Variants in HBP1 observed in about 807,000 individuals in gnomAD.
HBP1 encodes HMG-box transcription factor 1.
A neutral mutation model predicts 62.6 loss-of-function variants in HBP1; 20 were observed. The ratio of observed to expected loss-of-function variants is 0.32; its 90% CI spans 0.22 to 0.46. The LOEUF (loss-of-function observed/expected upper bound fraction) is 0.46. Among genes scored for constraint, HBP1 ranks in the 20% least tolerant of loss-of-function variants. HBP1 has a pLI of 1.00. For synonymous variants in HBP1, 232 were observed against 206.2 expected (o/e 1.12, Z -1.07); for missense variants, 480 against 611.8 (o/e 0.78, Z 2.27).
chr7:107,174,676 T>C, intron 1 of HBP1: 1 of 984,616 alleles, frequency 1.0e-6, no homozygotes, highest in Non-Finnish European at 1.2e-6. Context: ...AGAACAGCAC[T>C]GTTCATACAC....
At chr7:107,179,169 G>T (rs984567066) in intron 1 of HBP1, among the ~76,000 whole-genome samples, 2 of 151,858 alleles carry the variant, frequency 1.3e-5, no homozygotes, top group Admixed American at 1.3e-4. Context: ...TATTCTTCCA[G>T]TTTTTTTTAA....
intron 9 of HBP1, among the ~76,000 whole-genome samples, chr7:107,199,081 T>TTATCA (rs2116010002): frequency 6.6e-6 from 1 of 152,150 alleles, no homozygotes; most frequent in African/African-American, 2.4e-5. Context: ...TAAAAATTGG[T>TTATCA]TATCATTTTA....
intron 7 of HBP1, 58 bp downstream of exon 7, chr7:107,189,506 A>G (rs1422967914): frequency 2.3e-6 from 3 of 1,325,420 alleles, no homozygotes; most frequent in Admixed American, 4.3e-5. Flanking sequence ...TTAAATCTGT[A>G]ATTATGTCTG....
chr7:107,171,232 A>G (rs1284135367), intron 1 of HBP1, among the ~76,000 whole-genome samples: 5 of 150,286 alleles, frequency 3.3e-5, no homozygotes, highest in African/African-American at 1.2e-4. Flanking sequence ...ACCACTCTCA[A>G]CTAATTTTTT....
chr7:107,171,073 A>ATATATATATATTT, intron 1 of HBP1, among the ~76,000 whole-genome samples: 4 of 87,194 alleles, frequency 4.6e-5, no homozygotes, highest in African/African-American at 2.7e-4. Flanking sequence ...ATATATATAT[A>ATATATATATATTT]TTTTTTTTTT....
chr7:107,182,354 T>G lies in HBP1; in HGVS notation c.170-19T>G. 7.2e-7 allele frequency: 1 copy of G among 1,389,218 alleles called. No individual in the cohort carries two copies. Among genetic ancestry groups the G allele is most frequent in the Non-Finnish European group, 1.0e-6 (1 of 975,848 alleles). The allele number at this position is 1,389,218 out of a possible 1,614,324, so 86.1% of individuals were successfully genotyped here. On this transcript the variant is annotated intron_variant, in intron 2 of 10. Transcript: ENST00000222574. ...ATTAGTAATTTCCTTTTTATGATTT[T>G]GAGTGTGCTTATTTGCAGATGACCT...
intron 9 of HBP1, chr7:107,196,703 G>A: frequency 5.8e-6 from 1 of 172,710 alleles, no homozygotes; most frequent in South Asian, 1.2e-4. Flanking sequence ...AGCCCAGGCT[G>A]CAGTACAGCG....
Position 107,195,902 on chromosome 7 carries a change from C to T in HBP1, c.1136C>T (p.Ala379Val). 1 of 1,613,420 alleles carries T rather than the reference C, an allele frequency of 6.2e-7. No individual in the cohort carries two copies. The highest frequency in any genetic ancestry group is 8.5e-7 in the Non-Finnish European group (1 of 1,179,420). The change falls in exon 9 of 11, where the codon GCA becomes GTA. Residue 379 changes from alanine (A) to valine (V), a missense_variant. Physicochemically the swap from Ala to Val is moderately conservative, Grantham distance 64 (BLOSUM62 0). Around this residue, in one of 4 missense-constraint regions of HBP1, gnomAD observed 58 missense variants for 128.5 expected, o/e 0.45. Coordinates refer to ENST00000222574, the MANE Select transcript of HBP1 (RefSeq NM_012257.4). ...VLSSMARQRR[A>V]SLSCGGPGGQ... ...AGTAGTATGGCTCGCCAGCGTCGTGCATCTTTGTCTTGTGGAGGACCTGGT... is the reference window on the plus strand; with the variant it reads ...AGTAGTATGGCTCGCCAGCGTCGTGTATCTTTGTCTTGTGGAGGACCTGGT...
At chr7:107,189,477 T>C in intron 7 of HBP1, 29 bp downstream of exon 7, 1 of 1,533,812 alleles carries the variant, frequency 6.5e-7, no homozygotes, top group Non-Finnish European at 8.9e-7. Context: ...TTGTAGTAAC[T>C]TTTTTTAAAC....
Position 107,179,862 on chromosome 7 carries a change from GTCGTTTTTATTTTAA to G in HBP1, c.-15-16_-15-2del. The stretch of plus-strand genomic sequence containing the variant: ...GCATGGCTTGACATCATTTCTTAAT[GTCGTTTTTATTTTAA>G]GTCAGAGCACCATAACATGGTGTGG... On this transcript the variant is annotated splice_acceptor_variant and splice_polypyrimidine_tract_variant and intron_variant, in intron 1 of 10. Transcript: ENST00000222574. LOFTEE classifies it low-confidence loss of function (5UTR_SPLICE). 3.9e-6 allele frequency: 6 copies of G among 1,536,436 alleles called. No homozygotes were observed. The highest frequency in any genetic ancestry group is 5.4e-6 in the Non-Finnish European group (6 of 1,120,208).
intron 10 of HBP1, 124 bp from the exon 11 acceptor site, chr7:107,201,290 C>T (rs1798276238): frequency 1.9e-6 from 1 of 534,864 alleles, no homozygotes; most frequent in African/African-American, 2.0e-5. Flanking sequence ...TTTAAAATCA[C>T]CTTTAAGAAA....
At chr7:107,180,981 A>G (rs1454349396) in intron 2 of HBP1, among the ~76,000 whole-genome samples, 1 of 152,286 alleles carries the variant, frequency 6.6e-6, no homozygotes, top group African/African-American at 2.4e-5. Flanking sequence ...AATTTCCTGA[A>G]CTTCAGAAAC....
intron 6 of HBP1, among the ~76,000 whole-genome samples, chr7:107,186,988 C>T (rs941429980): frequency 6.6e-6 from 1 of 152,222 alleles, no homozygotes; most frequent in Non-Finnish European, 1.5e-5. Flanking sequence ...CGCAGTGGCT[C>T]ATGCCTGTAA....
rs1796720153 is a variant in HBP1, at chr7:107,173,928, T to C, written c.-16+4743T>C. The stretch of plus-strand genomic sequence containing the variant: ...TAGGGTTAGCTCTACCAGGAGATAT[T>C]TGAAAGAGGAGCTTGTTTATCAAAA... On this transcript the variant is annotated intron_variant, in intron 1 of 10. Coordinates refer to ENST00000222574, the MANE Select transcript of HBP1 (RefSeq NM_012257.4). 2.0e-5 allele frequency among the ~76,000 whole-genome samples: 3 copies of C among 152,188 alleles called. No homozygotes were observed. In the South Asian group the frequency reaches 6.2e-4, roughly 31 times the overall value.
chr7:107,171,048 T>TAA (rs1245509731), intron 1 of HBP1, among the ~76,000 whole-genome samples: 7 of 32,668 alleles, frequency 2.1e-4, no homozygotes, highest in Non-Finnish European at 3.2e-4. Context: ...CATGTATAAA[T>TAA]ATATATATAT....
At chr7:107,197,558 T>G (rs1348002262) in intron 9 of HBP1, among the ~76,000 whole-genome samples, 8 of 152,074 alleles carry the variant, frequency 5.3e-5, no homozygotes. Context: ...TTAGTAGACA[T>G]GGGGTTTCAC....
At chr7:107,171,060 TATATATATATA>T (rs1562881885) in intron 1 of HBP1, among the ~76,000 whole-genome samples, 2 of 65,864 alleles carry the variant, frequency 3.0e-5, no homozygotes, top group African/African-American at 1.5e-4. Flanking sequence ...TATATATATA[TATATATATATA>T]TATTTTTTTT....
chr7:107,186,166 C>CTTTTTTTTT (rs80124304), intron 4 of HBP1, among the ~76,000 whole-genome samples, 195 bp from the exon 5 acceptor site: 7 of 116,126 alleles, frequency 6.0e-5, no homozygotes, highest in East Asian at 5.1e-4. Flanking sequence ...CTTTTTTTTT[C>CTTTTTTTTT]TTTTTTTTTT....
Position 107,169,107 on chromosome 7 carries a change from G to C in HBP1, c.-94G>C. The C allele has an allele frequency of 1.6e-6, 2 of 1,281,034 alleles. No individual in the cohort carries two copies. The highest frequency in any genetic ancestry group is 1.3e-5 in the South Asian group (1 of 79,926). The allele number at this position is 1,281,034 out of a possible 1,614,324, so 79.4% of individuals were successfully genotyped here. On this transcript the variant is annotated 5_prime_UTR_variant, in exon 1 of 11. Transcript: ENST00000222574. ...GCGCGGGGGAGGCCGACGTCGGTCG[G>C]AGAGGGGGTACGAGAGCTGCTGGTG...
Sources: allele counts gnomAD v4.1 joint callset (sites outside exome capture counted in the v4.1 genomes callset), GRCh38; gene constraint gnomAD v4.1.1; regional missense constraint gnomAD v4.1.1; transcripts MANE v1.5; gene names NCBI Gene and HGNC (gene_info 2026-07-23, HGNC 2026-07-21).